Variants in EEF1E1 observed in about 807,000 individuals in gnomAD.
EEF1E1 encodes eukaryotic translation elongation factor 1 epsilon 1, also known as eukaryotic translation elongation factor 1 epsilon-1.
In EEF1E1, 19 loss-of-function variants were observed where a neutral mutation model predicts 19.9. The ratio of observed to expected loss-of-function variants is 0.95; its 90% CI spans 0.66 to 1.40. The LOEUF is 1.40. Among genes scored for constraint, EEF1E1 ranks in the 40% most tolerant of loss-of-function variants. EEF1E1 has a pLI of 0.00. For synonymous variants in EEF1E1, 81 were observed against 80.0 expected (o/e 1.01, Z -0.07); for missense variants, 198 against 202.2 (o/e 0.98, Z 0.13).
downstream of EEF1E1, among the ~76,000 whole-genome samples, chr6:8,077,905 C>T (rs1247946666): frequency 9.8e-5 from 15 of 152,292 alleles, no homozygotes; most frequent in Middle Eastern, 3.4e-3. Flanking sequence ...GATCCTCCCA[C>T]CTCAGCCTCC....
rs1201380781 is a variant in EEF1E1 at position 8,079,735 on chromosome 6, AT to A, written c.*154del. On this transcript the variant is annotated 3_prime_UTR_variant, in exon 4 of 4. Transcript: ENST00000379715. ...TTGCAAAACTTCAGCTAAAGAACAA[AT>A]AAAACATTCAGACACAAGTTTACAC... 7.7e-7 allele frequency: 1 copy of A among 1,290,446 alleles called. No homozygotes were observed. The highest frequency in any genetic ancestry group is 9.8e-7 in the Non-Finnish European group (1 of 1,016,494). The allele number at this position is 1,290,446 out of a possible 1,614,324, so 79.9% of individuals were successfully genotyped here. A position where few individuals can be genotyped will look rare whatever the true frequency, so the allele number is the denominator to read the frequency against.
At chr6:8,088,942 G>C (rs12523991) in intron 3 of EEF1E1, among the ~76,000 whole-genome samples, 2 of 142,496 alleles carry the variant, frequency 1.4e-5, no homozygotes, top group Admixed American at 1.4e-4. Flanking sequence ...AGTATCCCTG[G>C]GAGAAAAAAA....
At chr6:8,082,091 T>A (rs1177260948) in intron 3 of EEF1E1, among the ~76,000 whole-genome samples, 4 of 152,200 alleles carry the variant, frequency 2.6e-5, no homozygotes, top group Non-Finnish European at 5.9e-5. Flanking sequence ...TATAAGTTGC[T>A]TACAGGCCTA....
chr6:8,077,622 C>G, downstream of EEF1E1, among the ~76,000 whole-genome samples: 1 of 152,168 alleles, frequency 6.6e-6, no homozygotes, highest in Non-Finnish European at 1.5e-5. Flanking sequence ...CTGCAGTTTC[C>G]TCACCTTTCT....
At chr6:8,101,053 C>T (rs778124836) in intron 1 of EEF1E1, among the ~76,000 whole-genome samples, 7 of 148,700 alleles carry the variant, frequency 4.7e-5, no homozygotes, top group South Asian at 2.1e-4. Context: ...TGGTGCAACC[C>T]GGTCTCTACT....
chr6:8,074,752 G>A (rs1232120304), downstream of EEF1E1, among the ~76,000 whole-genome samples: 1 of 152,200 alleles, frequency 6.6e-6, no homozygotes, highest in South Asian at 2.1e-4. Context: ...CAGAAGCCAG[G>A]TCTTCATCTT....
intron 3 of EEF1E1, 58 bp downstream of exon 3, chr6:8,090,128 T>C: frequency 7.2e-7 from 1 of 1,381,938 alleles, no homozygotes; most frequent in South Asian, 1.5e-5. Flanking sequence ...CAAGACAAAG[T>C]TTTAAAAATC....
intron 1 of EEF1E1, among the ~76,000 whole-genome samples, chr6:8,099,954 T>G (rs2113669940): frequency 9.0e-6 from 1 of 111,570 alleles, no homozygotes; most frequent in South Asian, 2.9e-4. Flanking sequence ...ATCTCTGAAC[T>G]GCTTTCAATT....
intron 3 of EEF1E1, 132 bp from the exon 4 acceptor site, chr6:8,080,162 T>A: frequency 1.1e-6 from 1 of 950,990 alleles, no homozygotes; most frequent in East Asian, 2.5e-5. Flanking sequence ...AAAGCCAACA[T>A]ATTCAGATAG....
At chr6:8,099,187 C>T (rs1469151265) in intron 1 of EEF1E1, among the ~76,000 whole-genome samples, 1 of 152,214 alleles carries the variant, frequency 6.6e-6, no homozygotes, top group Non-Finnish European at 1.5e-5. Flanking sequence ...GCTGCATATG[C>T]AATAGCGTGC....
intron 1 of EEF1E1, among the ~76,000 whole-genome samples, chr6:8,101,303 C>T (rs1431148436): frequency 8.8e-5 from 10 of 113,484 alleles, no homozygotes; most frequent in Non-Finnish European, 1.5e-4. Flanking sequence ...CCAATTTAAA[C>T]GGTTGCAATG....
chr6:8,101,825 T>G, intron 1 of EEF1E1: 1 of 1,289,394 alleles, frequency 7.8e-7, no homozygotes, highest in Non-Finnish European at 1.0e-6. Context: ...TCCAAGGCTT[T>G]AGAAACGCCT....
At chr6:8,080,824 T>C (rs1253231955) in intron 3 of EEF1E1, among the ~76,000 whole-genome samples, 4 of 152,232 alleles carry the variant, frequency 2.6e-5, no homozygotes, top group Non-Finnish European at 5.9e-5. Flanking sequence ...TAACAGATAG[T>C]GCAAGTCTCT....
intron 3 of EEF1E1, among the ~76,000 whole-genome samples, chr6:8,083,298 C>T (rs1581458580): frequency 6.6e-6 from 1 of 152,186 alleles, no homozygotes; most frequent in Non-Finnish European, 1.5e-5. Flanking sequence ...GGCCAGTGCT[C>T]CTGGACTATT....
intron 1 of EEF1E1, 40 bp downstream of exon 1, chr6:8,102,395 C>T (rs778076988): frequency 2.5e-6 from 4 of 1,590,010 alleles, no homozygotes; most frequent in East Asian, 2.3e-5. Context: ...GGCCCCGCTC[C>T]CGTCCACCTC....
Position 8,097,844 on chromosome 6 carries a change from T to A in EEF1E1, c.88-377A>T, listed in dbSNP as rs185789353. Among the ~76,000 whole-genome samples, 128 of 152,320 alleles carry A rather than the reference T, an allele frequency of 8.4e-4. 2 individuals carry two copies. Among genetic ancestry groups the A allele is most frequent in the African/African-American group, 2.9e-3 (119 of 41,570 alleles). ...ATATAGCAAAGTGAACATACTTAAA[T>A]AAACCTGACTTCATGTTTCCCCTAT... On this transcript the variant is annotated intron_variant, in intron 1 of 3. Coordinates refer to ENST00000379715, the MANE Select transcript of EEF1E1 (RefSeq NM_004280.5).
chr6:8,078,857 T>A (rs1757659592), downstream of EEF1E1: 3 of 1,094,174 alleles, frequency 2.7e-6, no homozygotes, highest in South Asian at 3.9e-5. Flanking sequence ...TTTTAGAAAG[T>A]AAGAAAATAT....
At chr6:8,099,791 C>CACACACACA (rs768224090) in intron 1 of EEF1E1, among the ~76,000 whole-genome samples, 20 of 114,690 alleles carry the variant, frequency 1.7e-4, no homozygotes, top group African/African-American at 6.3e-4. Flanking sequence ...CACACACACA[C>CACACACACA]AAAAAAAAAA....
chr6:8,077,646 A>G (rs190206415), downstream of EEF1E1, among the ~76,000 whole-genome samples: 1 of 152,276 alleles, frequency 6.6e-6, no homozygotes, highest in East Asian at 1.9e-4. Context: ...CCTTCATAGA[A>G]TCGAAGAGAG....
Sources: allele counts gnomAD v4.1 joint callset (sites outside exome capture counted in the v4.1 genomes callset), GRCh38; gene constraint gnomAD v4.1.1; transcripts MANE v1.5; gene names NCBI Gene and HGNC (gene_info 2026-07-23, HGNC 2026-07-21).